LMX1A: variants seen among roughly 807,000 people sequenced by gnomAD.
LMX1A encodes the protein LIM homeobox transcription factor 1 alpha.
A neutral mutation model predicts 49.1 loss-of-function variants in LMX1A; 15 were observed. The ratio of observed to expected loss-of-function variants is 0.31; its 90% CI spans 0.20 to 0.47. LMX1A has a LOEUF of 0.47. Ranked by LOEUF, LMX1A falls within the 20% of genes least tolerant of loss-of-function variation. LMX1A has a pLI of 1.00. For synonymous variants in LMX1A, 167 were observed against 185.7 expected (o/e 0.90, Z 0.82); for missense variants, 372 against 475.8 (o/e 0.78, Z 2.03).
intron 3 of LMX1A, among the ~76,000 whole-genome samples, chr1:165,285,801 G>C (rs776061939): frequency 9.2e-5 from 14 of 152,174 alleles, no homozygotes; most frequent in Non-Finnish European, 1.6e-4. Flanking sequence ...ATGGACCCTT[G>C]TCTATCTGTG....
intron 3 of LMX1A, among the ~76,000 whole-genome samples, chr1:165,309,940 A>G (rs1336285126): frequency 6.6e-6 from 1 of 152,244 alleles, no homozygotes; most frequent in Non-Finnish European, 1.5e-5. Flanking sequence ...CTCATTAGAT[A>G]TTCCCAACAA....
chr1:165,262,014 A>G (rs759975259), intron 3 of LMX1A, among the ~76,000 whole-genome samples: 9 of 152,202 alleles, frequency 5.9e-5, no homozygotes, highest in Non-Finnish European at 8.8e-5. Flanking sequence ...GGTTGAGATG[A>G]TAAATTTCAT....
chr1:165,304,373 G>A (rs1654866613), intron 3 of LMX1A, among the ~76,000 whole-genome samples: 1 of 152,122 alleles, frequency 6.6e-6, no homozygotes. Context: ...GTTGGTTCAG[G>A]CTTCTCTCAA....
intron 8 of LMX1A, 94 bp from the exon 9 acceptor site, chr1:165,204,134 A>T: frequency 7.5e-7 from 1 of 1,332,880 alleles, no homozygotes; most frequent in Non-Finnish European, 1.0e-6. Flanking sequence ...GTGTTGCCTG[A>T]GCACAGGCTC....
intron 4 of LMX1A, among the ~76,000 whole-genome samples, chr1:165,215,679 G>A (rs1347630410): frequency 1.3e-5 from 2 of 152,096 alleles, no homozygotes; most frequent in Admixed American, 6.6e-5. Context: ...TTCCTTCCAC[G>A]AACATTTGAA....
intron 4 of LMX1A, among the ~76,000 whole-genome samples, chr1:165,236,229 G>A (rs1009151155): frequency 6.6e-6 from 1 of 152,240 alleles, no homozygotes; most frequent in Non-Finnish European, 1.5e-5. Context: ...TAAGGCTGGG[G>A]AGAGGGAAGC....
intron 3 of LMX1A, among the ~76,000 whole-genome samples, chr1:165,253,489 A>G (rs1653127788): frequency 6.6e-6 from 1 of 152,094 alleles, no homozygotes; most frequent in African/African-American, 2.4e-5. Context: ...ACAGGTTGAC[A>G]CAAAAAAAGA....
chr1:165,246,562 T>A (rs964275347), intron 4 of LMX1A, among the ~76,000 whole-genome samples: 9 of 152,218 alleles, frequency 5.9e-5, no homozygotes, highest in African/African-American at 1.7e-4. Context: ...ATTCTAGCAT[T>A]TCCTGTGTTA....
At chr1:165,214,493 T>C (rs186714424) in intron 4 of LMX1A, among the ~76,000 whole-genome samples, 8 of 152,328 alleles carry the variant, frequency 5.3e-5, no homozygotes, top group African/African-American at 1.2e-4. Flanking sequence ...AAAATAGTGA[T>C]ATATGAGAGG....
At chr1:165,260,453 C>T (rs1653398283) in intron 3 of LMX1A, among the ~76,000 whole-genome samples, 1 of 152,072 alleles carries the variant, frequency 6.6e-6, no homozygotes, top group South Asian at 2.1e-4. Flanking sequence ...ACACCAAACT[C>T]TCCATAAATC....
At chr1:165,246,745 T>A (rs916391322) in intron 4 of LMX1A, among the ~76,000 whole-genome samples, 2 of 118,828 alleles carry the variant, frequency 1.7e-5, no homozygotes, top group Non-Finnish European at 3.7e-5. Flanking sequence ...GACTTCTTTA[T>A]CCTAAACATA....
chr1:165,325,191 C>T (rs1460762020), intron 3 of LMX1A, among the ~76,000 whole-genome samples: 1 of 152,126 alleles, frequency 6.6e-6, no homozygotes, highest in Admixed American at 6.6e-5. Context: ...TGCTCCTCAC[C>T]ATAATTCTCG....
At chr1:165,270,802 G>A (rs1230614791) in intron 3 of LMX1A, among the ~76,000 whole-genome samples, 1 of 152,182 alleles carries the variant, frequency 6.6e-6, no homozygotes, top group Non-Finnish European at 1.5e-5. Flanking sequence ...CAGCACACAG[G>A]ACAGATGGGA....
chr1:165,260,756 A>T (rs1653409840), intron 3 of LMX1A, among the ~76,000 whole-genome samples: 1 of 152,138 alleles, frequency 6.6e-6, no homozygotes, highest in Non-Finnish European at 1.5e-5. Context: ...CTTGTAGGGG[A>T]GGCAAACAAG....
At chr1:165,286,144 C>A (rs1654299328) in intron 3 of LMX1A, among the ~76,000 whole-genome samples, 1 of 152,194 alleles carries the variant, frequency 6.6e-6, no homozygotes, top group South Asian at 2.1e-4. Flanking sequence ...GAATGAACAA[C>A]CTGCTACTTA....
intron 3 of LMX1A, among the ~76,000 whole-genome samples, chr1:165,250,531 C>T (rs1192223733): frequency 6.6e-6 from 1 of 152,122 alleles, no homozygotes; most frequent in Non-Finnish European, 1.5e-5. Context: ...AACTGCATCC[C>T]AACTTCCCAG....
At chr1:165,292,080 A>C (rs1654491619) in intron 3 of LMX1A, among the ~76,000 whole-genome samples, 1 of 151,590 alleles carries the variant, frequency 6.6e-6, no homozygotes, top group African/African-American at 2.4e-5. Context: ...AAAAAAAAAA[A>C]AAAAACAATA....
Position 165,203,850 on chromosome 1 carries a change from G to A in LMX1A, c.*30C>T, listed in dbSNP as rs1424131234. On this transcript the variant is annotated 3_prime_UTR_variant, in exon 9 of 9. Coordinates refer to ENST00000342310, the MANE Select transcript of LMX1A (RefSeq NM_177398.4). The stretch of plus-strand genomic sequence containing the variant: ...CAAAGAATATGGTTGTTCCATATGG[G>A]AGCCTAGTCACAGAACTCTAGGGGA... The A allele has an allele frequency of 2.5e-6, 4 of 1,608,036 alleles. No individual in the cohort carries two copies. The highest frequency in any genetic ancestry group is 3.4e-6 in the Non-Finnish European group (4 of 1,174,850).
At chr1:165,242,731 T>A (rs1278442285) in intron 4 of LMX1A, among the ~76,000 whole-genome samples, 2 of 148,480 alleles carry the variant, frequency 1.3e-5, no homozygotes, top group African/African-American at 5.1e-5. Flanking sequence ...AAAAAAAAAA[T>A]TAGCTGGGCT....
Sources: allele counts gnomAD v4.1 joint callset (sites outside exome capture counted in the v4.1 genomes callset), GRCh38; gene constraint gnomAD v4.1.1; transcripts MANE v1.5; gene names NCBI Gene and HGNC (gene_info 2026-07-23, HGNC 2026-07-21).